PEBP4: variants seen among roughly 807,000 people sequenced by gnomAD.
PEBP4 encodes the protein phosphatidylethanolamine-binding protein 4.
Under a neutral mutation model 23.9 loss-of-function variants are expected in PEBP4, and 22 were observed. The ratio of observed to expected loss-of-function variants is 0.92; its 90% CI spans 0.66 to 1.31. The LOEUF (loss-of-function observed/expected upper bound fraction) is 1.31, where lower values mean the gene tolerates loss of function less well. Among genes scored for constraint, PEBP4 ranks in the 40% most tolerant of loss-of-function variants. The probability of loss-of-function intolerance (pLI) is 0.00; values close to 1 mark genes in which losing one functional copy is unlikely to be tolerated. For missense variants in PEBP4, 324 were observed against 281.7 expected (o/e 1.15, Z -1.07); for synonymous variants, 112 against 99.3 (o/e 1.13, Z -0.76).
intron 4 of PEBP4, among the ~76,000 whole-genome samples, chr8:22,774,352 G>A (rs780538275): frequency 6.6e-6 from 1 of 152,180 alleles, no homozygotes; most frequent in African/African-American, 2.4e-5. Flanking sequence ...GAGCAGCTGC[G>A]TTTAAGAAGG....
chr8:22,881,809 T>C (rs149215796), intron 3 of PEBP4, among the ~76,000 whole-genome samples: 19 of 152,332 alleles, frequency 1.2e-4, no homozygotes, highest in African/African-American at 4.6e-4. Flanking sequence ...CCACGCTCCA[T>C]TACTACTTGT....
chr8:22,829,002 T>C (rs1382024627), intron 3 of PEBP4, among the ~76,000 whole-genome samples: 3 of 151,962 alleles, frequency 2.0e-5, no homozygotes, highest in African/African-American at 7.3e-5. Context: ...CTACTGGGAG[T>C]AGTCTTCAAC....
At chr8:22,816,648 G>A (rs970774013) in intron 4 of PEBP4, among the ~76,000 whole-genome samples, 3 of 152,226 alleles carry the variant, frequency 2.0e-5, no homozygotes, top group African/African-American at 4.8e-5. Flanking sequence ...CAGAGGAGCC[G>A]ACAGAGGTCA....
In PEBP4 at chr8:22,865,148, T is replaced by C. The variant is rs2128769375; in HGVS notation, c.259-47413A>G. Among the ~76,000 whole-genome samples, 1 of 141,830 alleles carries C rather than the reference T, an allele frequency of 7.1e-6. No individual in the cohort carries two copies. Among genetic ancestry groups the C allele is most frequent in the African/African-American group, 2.7e-5 (1 of 37,152 alleles). The allele number at this position is 141,830 out of a possible 152,430, so 93.0% of individuals were successfully genotyped here. On this transcript the variant is annotated intron_variant, in intron 3 of 6. Coordinates refer to ENST00000256404, the MANE Select transcript of PEBP4 (RefSeq NM_144962.3). This position sits in a 1 kb window ranked among gnomAD's most constrained non-coding sequence, Gnocchi z 6.9. ...GGGCGGCCCGGGGAAGAACCAGTGCTGGACGGGGCTAGAGGCCCACGTTCT... is the reference window on the plus strand; with the variant it reads ...GGGCGGCCCGGGGAAGAACCAGTGCCGGACGGGGCTAGAGGCCCACGTTCT...
rs917488655 is a variant in PEBP4 at position 22,865,324 on chromosome 8, T to G, written c.259-47589A>C. On this transcript the variant is annotated intron_variant, in intron 3 of 6. Coordinates refer to ENST00000256404, the MANE Select transcript of PEBP4 (RefSeq NM_144962.3). This position sits in a 1 kb window ranked among gnomAD's most constrained non-coding sequence, Gnocchi z 6.9. ...GCGGGCGGATGGGAATTACCCCGGG[T>G]CCCCCTGCGGCGTCTCCCGCTGCCC... Among the ~76,000 whole-genome samples, 2 of 149,972 alleles carry G rather than the reference T, an allele frequency of 1.3e-5. No homozygotes were observed. The highest frequency in any genetic ancestry group is 4.9e-5 in the African/African-American group (2 of 40,688).
intron 6 of PEBP4, among the ~76,000 whole-genome samples, chr8:22,719,056 A>G (rs1027180845): frequency 2.0e-5 from 3 of 151,936 alleles, no homozygotes; most frequent in African/African-American, 7.3e-5. Flanking sequence ...CTATGTGGCA[A>G]GTCCCTGCCC....
At chr8:22,756,932 T>C (rs1209552452) in intron 4 of PEBP4, 1 of 152,272 alleles carries the variant, frequency 6.6e-6, no homozygotes, top group African/African-American at 2.4e-5. Flanking sequence ...CCTGTGTTCA[T>C]TGCCTCAGTT....
chr8:22,768,466 G>T (rs983927078), intron 4 of PEBP4, among the ~76,000 whole-genome samples: 3 of 152,206 alleles, frequency 2.0e-5, no homozygotes, highest in Admixed American at 2.0e-4. Flanking sequence ...AGTGAACAAA[G>T]CCAAGCAGAC....
chr8:22,727,986 G>T (rs1305458734), intron 4 of PEBP4, among the ~76,000 whole-genome samples: 1 of 152,190 alleles, frequency 6.6e-6, no homozygotes, highest in African/African-American at 2.4e-5. Flanking sequence ...CCGGGCCCCT[G>T]GGTCTGTGCC....
intron 3 of PEBP4, among the ~76,000 whole-genome samples, chr8:22,828,800 A>G (rs1165237939): frequency 1.3e-5 from 2 of 152,210 alleles, no homozygotes; most frequent in Admixed American, 1.3e-4. Flanking sequence ...CATGTGGAAC[A>G]GCCACCCAAC....
At position 22,865,482 on chromosome 8, in the gene PEBP4, G is replaced by C. The variant is rs1009777879; in HGVS notation, c.259-47747C>G. 6.6e-6 allele frequency among the ~76,000 whole-genome samples: 1 copy of C among 151,584 alleles called. No homozygotes were observed. The highest frequency in any genetic ancestry group is 2.4e-5 in the African/African-American group (1 of 41,322). The stretch of plus-strand genomic sequence containing the variant: ...CCGCCGCGAGGTGGAGCGCGCCACC[G>C]CCCCCCCGGCCGCGCAGCGAGAAGG... On this transcript the variant is annotated intron_variant, in intron 3 of 6. Transcript: ENST00000256404. The surrounding 1 kb of genome is among the most constrained non-coding windows in gnomAD (Gnocchi z 6.9).
In PEBP4 at chr8:22,920,165, C is replaced by A. The variant is rs750969031; in HGVS notation, c.258+19G>T. 6 of 1,603,322 alleles carry A rather than the reference C, an allele frequency of 3.7e-6. No individual in the cohort carries two copies. Among genetic ancestry groups the A allele is most frequent in the Admixed American group, 1.7e-5 (1 of 59,860 alleles). ...ACCCCCAACTGTCCCCCCGCTTTAA[C>A]ACAGCCCTGCTCACTCACGTCCACG... is the stretch of plus-strand genomic sequence containing the variant. On this transcript the variant is annotated intron_variant, in intron 3 of 6. Transcript: ENST00000256404.
At chr8:22,753,351 C>T (rs1805307502) in intron 4 of PEBP4, among the ~76,000 whole-genome samples, 1 of 152,170 alleles carries the variant, frequency 6.6e-6, no homozygotes, top group Non-Finnish European at 1.5e-5. Flanking sequence ...GCAGAACCCA[C>T]CTTCCAGCAT....
intron 4 of PEBP4, among the ~76,000 whole-genome samples, chr8:22,791,099 T>C (rs1448558830): frequency 6.6e-6 from 1 of 152,090 alleles, no homozygotes; most frequent in Admixed American, 6.6e-5. Context: ...ACCATTGCCC[T>C]AAAGGGCTGC....
At position 22,855,141 on chromosome 8, in the gene PEBP4, G is replaced by T. The variant is rs118123789; in HGVS notation, c.259-37406C>A. On this transcript the variant is annotated intron_variant, in intron 3 of 6. Coordinates refer to ENST00000256404, the MANE Select transcript of PEBP4 (RefSeq NM_144962.3). The stretch of plus-strand genomic sequence containing the variant: ...CAGTCTTACAGTCAGTGTTCCCATG[G>T]CTGACACAGAAGAATTCTGTGATCC... 8.8e-3 allele frequency among the ~76,000 whole-genome samples: 1,346 copies of T among 152,102 alleles called. 6 individuals are homozygous for T. Among genetic ancestry groups the T allele is most frequent in the Middle Eastern group, 0.02 (6 of 294 alleles).
chr8:22,812,700 A>T (rs1374769436), intron 4 of PEBP4, among the ~76,000 whole-genome samples: 1 of 152,116 alleles, frequency 6.6e-6, no homozygotes, highest in Non-Finnish European at 1.5e-5. Flanking sequence ...CCTGATAAAG[A>T]TTGTTTATTC....
intron 3 of PEBP4, among the ~76,000 whole-genome samples, chr8:22,913,105 T>A (rs987626162): frequency 6.6e-6 from 1 of 152,196 alleles, no homozygotes; most frequent in Non-Finnish European, 1.5e-5. Context: ...TGACAACTGA[T>A]CCCATCCATG....
At chr8:22,755,295 G>C (rs960966646) in intron 4 of PEBP4, among the ~76,000 whole-genome samples, 4 of 149,520 alleles carry the variant, frequency 2.7e-5, no homozygotes, top group South Asian at 2.1e-4. Context: ...CCAGGGCTTT[G>C]GGCCAAAATC....
At chr8:22,846,313 TC>T (rs1807436326) in intron 3 of PEBP4, among the ~76,000 whole-genome samples, 1 of 152,126 alleles carries the variant, frequency 6.6e-6, no homozygotes, top group Non-Finnish European at 1.5e-5. Flanking sequence ...CTCCTTCCTC[TC>T]CCTGTGCCAC....
Sources: gnomAD v4.1 joint callset for allele counts (sites outside exome capture counted in the v4.1 genomes callset) on GRCh38, gnomAD v4.1.1 for gene constraint, Gnocchi (gnomAD v3.1) non-coding constraint, MANE v1.5 for transcripts, NCBI Gene and HGNC (gene_info 2026-07-23, HGNC 2026-07-21) for gene names.